Variants in GALNT13 observed in about 807,000 individuals in gnomAD.
The protein encoded by GALNT13 is polypeptide N-acetylgalactosaminyltransferase 13.
In GALNT13, 28 loss-of-function variants were observed where a neutral mutation model predicts 64.2. The ratio of observed to expected loss-of-function variants is 0.44; its 90% CI spans 0.32 to 0.60. The LOEUF (loss-of-function observed/expected upper bound fraction) is 0.60. Ranked by LOEUF, GALNT13 falls within the 20% of genes least tolerant of loss-of-function variation. The probability of loss-of-function intolerance (pLI) is 0.05; values close to 1 mark genes in which losing one functional copy is unlikely to be tolerated. For missense variants in GALNT13, 577 were observed against 669.8 expected (o/e 0.86, Z 1.53); for synonymous variants, 214 against 224.6 (o/e 0.95, Z 0.42).
the GALNT13 span, among the ~76,000 whole-genome samples, chr2:153,658,406 C>G: frequency 6.6e-6 from 1 of 152,036 alleles, no homozygotes; most frequent in African/African-American, 2.4e-5. Context: ...CTTTGACTCC[C>G]TTATGTGGTT....
intron 10 of GALNT13, among the ~76,000 whole-genome samples, chr2:154,406,537 TC>T (rs1448565744): frequency 6.6e-6 from 1 of 152,134 alleles, no homozygotes; most frequent in Non-Finnish European, 1.5e-5. Context: ...CATTTGCTGT[TC>T]CCCTGCCCAA....
At chr2:154,147,082 T>G (rs993700065) in intron 4 of GALNT13, among the ~76,000 whole-genome samples, 8 of 152,060 alleles carry the variant, frequency 5.3e-5, no homozygotes, top group African/African-American at 1.9e-4. Flanking sequence ...TTCTCTTCCC[T>G]GTAAGTGAAT....
At chr2:153,356,789 C>CTTTTTTTTTTT in the GALNT13 span, among the ~76,000 whole-genome samples, 4 of 104,904 alleles carry the variant, frequency 3.8e-5, 2 homozygotes, top group Non-Finnish European at 3.7e-5. Flanking sequence ...TCTTCTTCCT[C>CTTTTTTTTTTT]TTTTTTTTTT....
the GALNT13 span, among the ~76,000 whole-genome samples, chr2:153,685,427 G>T: frequency 1.3e-5 from 2 of 151,846 alleles, no homozygotes; most frequent in African/African-American, 4.8e-5. Context: ...TGAAGTTGAG[G>T]TTTTTCCATA....
At chr2:153,762,575 CT>C in the GALNT13 span, 8 of 183,274 alleles carry the variant, frequency 4.4e-5, no homozygotes, top group South Asian at 2.8e-4. Flanking sequence ...TCCTATAAGC[CT>C]TTTTCAGTTC....
At chr2:154,189,472 C>CAAAAAAAAAA in intron 4 of GALNT13, among the ~76,000 whole-genome samples, 1 of 81,412 alleles carries the variant, frequency 1.2e-5, no homozygotes, top group Non-Finnish European at 2.4e-5. Flanking sequence ...ACGTGCACAC[C>CAAAAAAAAAA]AAAAAAAAAA....
chr2:153,464,801 T>C, the GALNT13 span, among the ~76,000 whole-genome samples: 274 of 152,226 alleles, frequency 1.8e-3, 1 homozygote, highest in Non-Finnish European at 3.0e-3. Flanking sequence ...TTATGAAATA[T>C]AAAATATATC....
the GALNT13 span, among the ~76,000 whole-genome samples, chr2:153,288,733 G>T: frequency 1.4e-4 from 21 of 152,258 alleles, no homozygotes; most frequent in African/African-American, 4.8e-4. Context: ...ATCCTACTCT[G>T]CCTGATTCAT....
intron 7 of GALNT13, among the ~76,000 whole-genome samples, chr2:154,258,461 A>C (rs1690501246): frequency 6.9e-6 from 1 of 145,634 alleles, no homozygotes; most frequent in Non-Finnish European, 1.5e-5. Context: ...AGTAAAGAGA[A>C]GAATAAACAA....
the GALNT13 span, among the ~76,000 whole-genome samples, chr2:153,419,257 G>A: frequency 1.3e-5 from 2 of 152,152 alleles, no homozygotes; most frequent in Non-Finnish European, 2.9e-5. Context: ...GATCTTGTGA[G>A]AACTCAATCA....
At chr2:154,224,582 G>C (rs1688490367) in intron 4 of GALNT13, among the ~76,000 whole-genome samples, 1 of 151,950 alleles carries the variant, frequency 6.6e-6, no homozygotes, top group African/African-American at 2.4e-5. Flanking sequence ...AGCATGGATA[G>C]ACAAAATGAA....
chr2:153,339,151 G>A, the GALNT13 span, among the ~76,000 whole-genome samples: 1 of 152,176 alleles, frequency 6.6e-6, no homozygotes. Context: ...TAATGGGATT[G>A]GTGGGTTGTG....
the GALNT13 span, among the ~76,000 whole-genome samples, chr2:153,823,285 T>C: frequency 6.6e-6 from 1 of 152,148 alleles, no homozygotes; most frequent in African/African-American, 2.4e-5. Context: ...CAAAAATTCA[T>C]ATGGAACTCA....
chr2:153,519,909 A>G, the GALNT13 span, among the ~76,000 whole-genome samples: 1 of 152,112 alleles, frequency 6.6e-6, no homozygotes, highest in Non-Finnish European at 1.5e-5. Flanking sequence ...GTCACAAATT[A>G]TGGCTAGCAA....
the GALNT13 span, among the ~76,000 whole-genome samples, chr2:153,627,089 T>TG: frequency 2.6e-5 from 4 of 152,080 alleles, no homozygotes; most frequent in Non-Finnish European, 5.9e-5. Context: ...TGAGCATTGT[T>TG]GTGTGGGAAT....
At chr2:153,924,111 G>A (rs1251450613) in intron 2 of GALNT13, among the ~76,000 whole-genome samples, 1 of 152,076 alleles carries the variant, frequency 6.6e-6, no homozygotes, top group Admixed American at 6.6e-5. Context: ...TTGTTACATA[G>A]GTAAATGTGT....
the GALNT13 span, among the ~76,000 whole-genome samples, chr2:153,164,998 A>G: frequency 2.0e-5 from 3 of 152,234 alleles, no homozygotes; most frequent in African/African-American, 7.2e-5. Flanking sequence ...GATAAAAGGT[A>G]TATCCCACTG....
At chr2:154,069,699 G>T (rs1222724719) in intron 3 of GALNT13, among the ~76,000 whole-genome samples, 2 of 151,952 alleles carry the variant, frequency 1.3e-5, no homozygotes, top group Non-Finnish European at 2.9e-5. Flanking sequence ...ATGACTATGG[G>T]ATTTGCACAA....
the GALNT13 span, among the ~76,000 whole-genome samples, chr2:153,139,307 T>C: frequency 6.6e-6 from 1 of 152,198 alleles, no homozygotes; most frequent in East Asian, 2.0e-4. Context: ...AAATCCATTT[T>C]AGGAGTCTTT....
Sources: gnomAD v4.1 joint callset for allele counts (sites outside exome capture counted in the v4.1 genomes callset) on GRCh38, gnomAD v4.1.1 for gene constraint, MANE v1.5 for transcripts, NCBI Gene and HGNC (gene_info 2026-07-23, HGNC 2026-07-21) for gene names.